Variants in STK32B observed in about 807,000 individuals in gnomAD.
STK32B encodes serine/threonine kinase 32B.
In STK32B, 43 loss-of-function variants were observed where a neutral mutation model predicts 52.6. The observed-to-expected ratio is 0.82, with a 90% CI of 0.64 to 1.05. STK32B has a LOEUF of 1.05. Ranked by LOEUF, STK32B falls within the 50% of genes least tolerant of loss-of-function variation. The probability of loss-of-function intolerance (pLI) is 0.00; values close to 1 mark genes in which losing one functional copy is unlikely to be tolerated. For synonymous variants in STK32B, 238 were observed against 204.3 expected (o/e 1.17, Z -1.41); for missense variants, 621 against 534.6 (o/e 1.16, Z -1.59).
At chr4:5,115,768 C>T (rs1714681477) in intron 1 of STK32B, among the ~76,000 whole-genome samples, 1 of 152,212 alleles carries the variant, frequency 6.6e-6, no homozygotes, top group Non-Finnish European at 1.5e-5. Context: ...CAAAGACAAG[C>T]ATCTCTGCTC....
intron 3 of STK32B, among the ~76,000 whole-genome samples, chr4:5,313,022 A>G (rs1436166984): frequency 1.3e-5 from 2 of 152,036 alleles, no homozygotes; most frequent in Non-Finnish European, 2.9e-5. Context: ...AGACAGTATG[A>G]TAAAAGAAAG....
At chr4:5,185,862 T>G (rs909790645) in intron 3 of STK32B, among the ~76,000 whole-genome samples, 1 of 152,170 alleles carries the variant, frequency 6.6e-6, no homozygotes, top group Non-Finnish European at 1.5e-5. Context: ...ATGTACAGTC[T>G]CATCCCCTGA....
chr4:5,456,925 T>TA lies in STK32B; in HGVS notation c.783+4dup. On this transcript the variant is annotated splice_region_variant and intron_variant, in intron 8 of 11. Coordinates refer to ENST00000282908, the MANE Select transcript of STK32B (RefSeq NM_018401.3). ...GGGATGGTGGCCCTGCTGAGGAAGG[T>TA]AAGGGGGCAGCTTCCAGCCTGCCCC... The TA allele has an allele frequency of 2.6e-6, 4 of 1,530,910 alleles. No individual in the cohort carries two copies. Among genetic ancestry groups the TA allele is most frequent in the Non-Finnish European group, 3.5e-6 (4 of 1,134,986 alleles). The allele number at this position is 1,530,910 out of a possible 1,614,324, so 94.8% of individuals were successfully genotyped here. A position where few individuals can be genotyped will look rare whatever the true frequency, so the allele number is the denominator to read the frequency against.
At chr4:5,177,442 C>A (rs186666851) in intron 3 of STK32B, among the ~76,000 whole-genome samples, 4 of 152,216 alleles carry the variant, frequency 2.6e-5, no homozygotes, top group East Asian at 3.9e-4. Context: ...GTTCACGATG[C>A]GACTTGAGTG....
At chr4:5,240,802 CTTCT>C (rs1230820438) in intron 3 of STK32B, among the ~76,000 whole-genome samples, 2 of 152,112 alleles carry the variant, frequency 1.3e-5, no homozygotes, top group African/African-American at 4.8e-5. Flanking sequence ...GATGATTGTG[CTTCT>C]TTGTGTTTTT....
In STK32B at chr4:5,233,925, C is replaced by G. The variant is rs116066642; in HGVS notation, c.260+65475C>G. On this transcript the variant is annotated intron_variant, in intron 3 of 11. Transcript: ENST00000282908. ...GAGCAATACCTGGAAATGAGATGGC[C>G]GGAGTGTGCACAAGTGCCCCCTTCT... 4.2e-3 allele frequency among the ~76,000 whole-genome samples: 640 copies of G among 152,026 alleles called. 4 individuals are homozygous for G. The highest frequency in any genetic ancestry group is 0.014 in the African/African-American group (588 of 41,466).
intron 3 of STK32B, among the ~76,000 whole-genome samples, chr4:5,232,741 T>C (rs1724358259): frequency 6.6e-6 from 1 of 152,212 alleles, no homozygotes; most frequent in Non-Finnish European, 1.5e-5. Flanking sequence ...AGGGATGGTC[T>C]GGGTGCTGGA....
intron 4 of STK32B, among the ~76,000 whole-genome samples, chr4:5,397,266 C>T (rs546464058): frequency 6.6e-6 from 1 of 152,296 alleles, no homozygotes; most frequent in African/African-American, 2.4e-5. Flanking sequence ...AGAGCTTCGC[C>T]AAGTGTGTAC....
chr4:5,331,109 C>T, intron 3 of STK32B, 111 bp from the exon 4 acceptor site: 2 of 1,048,910 alleles, frequency 1.9e-6, no homozygotes, highest in Non-Finnish European at 1.4e-6. Context: ...TCAGGCAACT[C>T]AGTGCCTCTC....
intron 2 of STK32B, among the ~76,000 whole-genome samples, chr4:5,145,242 C>T (rs1716819236): frequency 6.6e-6 from 1 of 152,208 alleles, no homozygotes; most frequent in African/African-American, 2.4e-5. Context: ...AAATACCTAT[C>T]CTTCTACCCA....
At chr4:5,204,476 T>C (rs868723682) in intron 3 of STK32B, among the ~76,000 whole-genome samples, 2 of 151,872 alleles carry the variant, frequency 1.3e-5, no homozygotes, top group African/African-American at 2.4e-5. Context: ...TTGTTTTGTT[T>C]TGTTTTGTTT....
intron 1 of STK32B, 77 bp downstream of exon 1, chr4:5,051,992 G>T (rs966017631): frequency 8.4e-6 from 13 of 1,542,216 alleles, no homozygotes; most frequent in Non-Finnish European, 1.1e-5. Flanking sequence ...AGCCCTGCGG[G>T]GCACCGCATG....
intron 4 of STK32B, among the ~76,000 whole-genome samples, chr4:5,354,105 C>T (rs1734022732): frequency 6.6e-6 from 1 of 152,114 alleles, no homozygotes; most frequent in Non-Finnish European, 1.5e-5. Flanking sequence ...AACTGGAAGT[C>T]ATTATGTTAA....
chr4:5,176,524 A>C (rs1349171592), intron 3 of STK32B, among the ~76,000 whole-genome samples: 1 of 148,202 alleles, frequency 6.7e-6, no homozygotes, highest in Admixed American at 6.9e-5. Flanking sequence ...GCTCATTGCA[A>C]CCTCCACCTC....
intron 6 of STK32B, 106 bp from the exon 7 acceptor site, chr4:5,446,566 CA>C (rs546330873): frequency 0.078 from 53,970 of 690,480 alleles, 10 homozygotes; most frequent in East Asian, 0.09. Context: ...CAAAAAAAAA[CA>C]AAAAAAAAAA....
intron 3 of STK32B, among the ~76,000 whole-genome samples, chr4:5,211,518 C>A (rs1252676249): frequency 7.7e-6 from 1 of 129,734 alleles, no homozygotes; most frequent in Non-Finnish European, 1.7e-5. Context: ...CCCAGGAGGA[C>A]CAGGGGGAAA....
chr4:5,038,985 C>CTTTTT, the STK32B span, among the ~76,000 whole-genome samples: 198 of 122,274 alleles, frequency 1.6e-3, 1 homozygote, highest in African/African-American at 2.9e-3. Flanking sequence ...AAATTTCTTT[C>CTTTTT]TTTTTTTTTT....
chr4:5,285,213 A>G (rs1728470576), intron 3 of STK32B, among the ~76,000 whole-genome samples: 1 of 152,238 alleles, frequency 6.6e-6, no homozygotes, highest in African/African-American at 2.4e-5. Flanking sequence ...ACCGGTCGAC[A>G]GTAGGCTCTT....
intron 3 of STK32B, among the ~76,000 whole-genome samples, chr4:5,329,735 T>G (rs1732108520): frequency 6.6e-6 from 1 of 152,192 alleles, no homozygotes; most frequent in Non-Finnish European, 1.5e-5. Context: ...ATTCATGATC[T>G]GGGGACGCAA....
Sources: gnomAD v4.1 joint callset for allele counts (sites outside exome capture counted in the v4.1 genomes callset) on GRCh38, gnomAD v4.1.1 for gene constraint, MANE v1.5 for transcripts, NCBI Gene and HGNC (gene_info 2026-07-23, HGNC 2026-07-21) for gene names.